The following HNF4G variants were observed in gnomAD, a reference collection of about 807,000 sequenced individuals.
The protein encoded by HNF4G is hepatocyte nuclear factor 4 gamma.
Under a neutral mutation model 50.9 loss-of-function variants are expected in HNF4G, and 21 were observed. That is an observed-to-expected ratio of 0.41 (90% confidence interval 0.29 to 0.59). The LOEUF (loss-of-function observed/expected upper bound fraction) is 0.59. Among genes scored for constraint, HNF4G ranks in the 20% least tolerant of loss-of-function variants. HNF4G has a pLI of 0.26. For missense variants in HNF4G, 527 were observed against 559.4 expected (o/e 0.94, Z 0.58); for synonymous variants, 198 against 185.6 (o/e 1.07, Z -0.54).
chr8:75,455,716 A>G (rs1256611284), intron 1 of HNF4G, among the ~76,000 whole-genome samples: 1 of 152,204 alleles, frequency 6.6e-6, no homozygotes. Context: ...AAAAGCTCAT[A>G]GAAGTGATTA....
At chr8:75,552,784 C>T (rs1212934379) in intron 4 of HNF4G, among the ~76,000 whole-genome samples, 2 of 152,106 alleles carry the variant, frequency 1.3e-5, no homozygotes, top group Admixed American at 1.3e-4. Flanking sequence ...TGACCACTAA[C>T]ATAAGATACT....
intron 1 of HNF4G, among the ~76,000 whole-genome samples, chr8:75,448,776 A>G (rs1312023675): frequency 2.0e-5 from 3 of 152,104 alleles, no homozygotes; most frequent in Non-Finnish European, 4.4e-5. Flanking sequence ...AAAGTAAGAA[A>G]TTATAAAAGG....
chr8:75,449,795 C>T (rs901507802), intron 1 of HNF4G, among the ~76,000 whole-genome samples: 3 of 152,114 alleles, frequency 2.0e-5, no homozygotes, highest in Non-Finnish European at 4.4e-5. Flanking sequence ...GCATGAGCCA[C>T]CGCGCCCGGC....
intron 9 of HNF4G, 105 bp downstream of exon 9, chr8:75,560,571 G>C: frequency 2.8e-6 from 3 of 1,067,048 alleles, no homozygotes; most frequent in Admixed American, 4.5e-5. Flanking sequence ...CAAAAACTTG[G>C]TGTAATTTCC....
At chr8:75,418,814 G>A (rs544517670) in intron 1 of HNF4G, among the ~76,000 whole-genome samples, 2 of 135,398 alleles carry the variant, frequency 1.5e-5, no homozygotes, top group African/African-American at 2.8e-5. Context: ...CGCAACCTCC[G>A]CCTCCCGGGT....
intron 1 of HNF4G, among the ~76,000 whole-genome samples, chr8:75,462,451 C>A (rs1414484277): frequency 6.6e-6 from 1 of 152,068 alleles, no homozygotes; most frequent in African/African-American, 2.4e-5. Context: ...TGATTCACAT[C>A]CAGAGCAGGA....
In HNF4G at chr8:75,473,424, G is replaced by C. The variant is rs183729809; in HGVS notation, c.-143-16665G>C. ...CACAAGTTAAAATGTGTGTCTCACTGTAAGTCATGATTAAAAATGTTTGAA... is the reference window on the plus strand; with the variant it reads ...CACAAGTTAAAATGTGTGTCTCACTCTAAGTCATGATTAAAAATGTTTGAA... On this transcript the variant is annotated intron_variant, in intron 1 of 10. Transcript: ENST00000354370. Among the ~76,000 whole-genome samples, 138 of 152,276 alleles carry C rather than the reference G, an allele frequency of 9.1e-4. 1 individual carries two copies. The highest frequency in any genetic ancestry group is 1.4e-3 in the Non-Finnish European group (94 of 68,034).
chr8:75,438,108 A>G (rs1028049988), intron 1 of HNF4G, among the ~76,000 whole-genome samples: 2 of 152,158 alleles, frequency 1.3e-5, no homozygotes, highest in African/African-American at 4.8e-5. Context: ...AATTGTTCCC[A>G]TATTTTGTTA....
At chr8:75,563,886 C>T (rs959517799) in intron 9 of HNF4G, 89 bp from the exon 10 acceptor site, 34 of 1,387,470 alleles carry the variant, frequency 2.5e-5, no homozygotes, top group East Asian at 9.3e-5. Context: ...TTCCAAATTA[C>T]GCTAATGTGT....
At chr8:75,476,912 A>G (rs1286516314) in intron 1 of HNF4G, among the ~76,000 whole-genome samples, 1 of 152,198 alleles carries the variant, frequency 6.6e-6, no homozygotes, top group African/African-American at 2.4e-5. Context: ...CTCCCCTCCC[A>G]GTGTTAACAT....
intron 2 of HNF4G, among the ~76,000 whole-genome samples, chr8:75,545,516 T>G (rs1806751729): frequency 6.6e-6 from 1 of 152,124 alleles, no homozygotes; most frequent in South Asian, 2.1e-4. Context: ...TGTTATGATT[T>G]TTCATTTGGA....
chr8:75,433,557 CAGT>C lies in HNF4G; in HGVS notation c.-144+25412_-144+25414del, dbSNP rs143952455. Reference sequence around the variant, plus strand: ...TTAAATGTTTTACTATTACTATTATCAGTAGTAGTAGTAGTAGTAATAGAGACA... The same window carrying C: ...TTAAATGTTTTACTATTACTATTATCAGTAGTAGTAGTAGTAATAGAGACA... On this transcript the variant is annotated intron_variant, in intron 1 of 10. Transcript: ENST00000354370. Among the ~76,000 whole-genome samples the C allele has an allele frequency of 8.1e-3, 1,232 of 151,482 alleles. 14 individuals carry two copies. The highest frequency in any genetic ancestry group is 0.028 in the African/African-American group (1,156 of 41,286).
intron 1 of HNF4G, among the ~76,000 whole-genome samples, chr8:75,449,320 G>C (rs1811519220): frequency 6.6e-6 from 1 of 151,906 alleles, no homozygotes; most frequent in Admixed American, 6.6e-5. Flanking sequence ...AATTAAAGCA[G>C]CTATAAACAA....
At chr8:75,557,518 A>G (rs1287088822) in intron 6 of HNF4G, among the ~76,000 whole-genome samples, 1 of 152,148 alleles carries the variant, frequency 6.6e-6, no homozygotes, top group African/African-American at 2.4e-5. Context: ...CTACTCTGGA[A>G]GCTGAGACAT....
At chr8:75,529,114 G>A (rs1806257539) in intron 2 of HNF4G, among the ~76,000 whole-genome samples, 1 of 143,076 alleles carries the variant, frequency 7.0e-6, no homozygotes, top group South Asian at 2.2e-4. Context: ...GTGAAACCCC[G>A]TCTTTACTAA....
intron 2 of HNF4G, among the ~76,000 whole-genome samples, chr8:75,517,667 C>T (rs969642272): frequency 6.6e-6 from 1 of 152,140 alleles, no homozygotes; most frequent in Non-Finnish European, 1.5e-5. Flanking sequence ...GCAGCTCCAC[C>T]CCTGTGGCTT....
chr8:75,423,520 C>G (rs1354001891), intron 1 of HNF4G, among the ~76,000 whole-genome samples: 2 of 150,216 alleles, frequency 1.3e-5, no homozygotes, highest in African/African-American at 4.9e-5. Context: ...TCCCGACTAG[C>G]TGGGACTACA....
intron 2 of HNF4G, among the ~76,000 whole-genome samples, chr8:75,534,208 A>G (rs1323143006): frequency 1.3e-5 from 2 of 151,938 alleles, no homozygotes; most frequent in African/African-American, 4.8e-5. Context: ...TACCCATTGT[A>G]AAAACGAAAT....
At chr8:75,455,790 A>G (rs1017920095) in intron 1 of HNF4G, among the ~76,000 whole-genome samples, 4 of 152,144 alleles carry the variant, frequency 2.6e-5, no homozygotes, top group African/African-American at 9.7e-5. Context: ...CTGTGAATAT[A>G]ATTTCTTCTA....
Sources: gnomAD v4.1 joint callset for allele counts (sites outside exome capture counted in the v4.1 genomes callset) on GRCh38, gnomAD v4.1.1 for gene constraint, MANE v1.5 for transcripts, NCBI Gene and HGNC (gene_info 2026-07-23, HGNC 2026-07-21) for gene names.